Variants in ADGRL2 observed in about 807,000 individuals in gnomAD.
ADGRL2 encodes the protein calcium-independent alpha-latrotoxin receptor 2.
A neutral mutation model predicts 157.4 loss-of-function variants in ADGRL2; 44 were observed. That is an observed-to-expected ratio of 0.28 (90% confidence interval 0.22 to 0.36). The LOEUF (loss-of-function observed/expected upper bound fraction) is 0.36, where lower values mean the gene tolerates loss of function less well. Ranked by LOEUF, ADGRL2 falls within the 10% of genes least tolerant of loss-of-function variation. The probability of loss-of-function intolerance (pLI) is 1.00; values close to 1 mark genes in which losing one functional copy is unlikely to be tolerated. For synonymous variants in ADGRL2, 585 were observed against 624.7 expected (o/e 0.94, Z 0.95); for missense variants, 1,510 against 1,768.9 (o/e 0.85, Z 2.63).
chr1:81,545,437 T>C (rs1275579543), intron 2 of ADGRL2, among the ~76,000 whole-genome samples: 1 of 151,948 alleles, frequency 6.6e-6, no homozygotes, highest in African/African-American at 2.4e-5. Flanking sequence ...TGCACCACCA[T>C]GCCAGGCTAA....
At chr1:81,976,702 T>C (rs1660289547) in intron 17 of ADGRL2, among the ~76,000 whole-genome samples, 1 of 151,916 alleles carries the variant, frequency 6.6e-6, no homozygotes, top group South Asian at 2.1e-4. Flanking sequence ...TTAGAAAAAA[T>C]ACAACTAACT....
chr1:81,545,374 C>T (rs2079990653), intron 2 of ADGRL2, among the ~76,000 whole-genome samples: 1 of 151,790 alleles, frequency 6.6e-6, no homozygotes, highest in Non-Finnish European at 1.5e-5. Context: ...GCAACCTCCG[C>T]CTCCCAGGTT....
At chr1:81,824,492 C>T (rs2091283381) in intron 1 of ADGRL2, among the ~76,000 whole-genome samples, 1 of 151,872 alleles carries the variant, frequency 6.6e-6, no homozygotes, top group South Asian at 2.1e-4. Flanking sequence ...CTAGACTGAA[C>T]TTGAACTCCT....
At chr1:81,356,200 A>C (rs1283038731) in intron 1 of ADGRL2, among the ~76,000 whole-genome samples, 2 of 152,234 alleles carry the variant, frequency 1.3e-5, no homozygotes, top group Non-Finnish European at 2.9e-5. Flanking sequence ...AAATGAGCTA[A>C]GAGACATGGT....
At chr1:81,821,557 C>T (rs921697068) in intron 1 of ADGRL2, among the ~76,000 whole-genome samples, 4 of 152,060 alleles carry the variant, frequency 2.6e-5, no homozygotes, top group African/African-American at 7.2e-5. Context: ...TGTGTTCTTG[C>T]ATTCACAGCA....
intron 3 of ADGRL2, among the ~76,000 whole-genome samples, chr1:81,677,305 CG>C (rs368930385): frequency 1.5e-4 from 23 of 152,232 alleles, no homozygotes; most frequent in African/African-American, 5.5e-4. Flanking sequence ...GATTTTTAAA[CG>C]GAAGATTCAG....
intron 2 of ADGRL2, among the ~76,000 whole-genome samples, chr1:81,789,987 G>T (rs530084559): frequency 6.6e-6 from 1 of 152,062 alleles, no homozygotes; most frequent in Admixed American, 6.6e-5. Flanking sequence ...ATAATTTGTC[G>T]AAGATGTTTT....
At chr1:81,674,450 G>A (rs2082942586) in intron 3 of ADGRL2, among the ~76,000 whole-genome samples, 1 of 152,146 alleles carries the variant, frequency 6.6e-6, no homozygotes, top group African/African-American at 2.4e-5. Flanking sequence ...GCCCAAACTT[G>A]CAGTCCATCA....
intron 3 of ADGRL2, among the ~76,000 whole-genome samples, chr1:81,675,436 GA>G (rs2082965361): frequency 6.6e-6 from 1 of 152,038 alleles, no homozygotes; most frequent in Admixed American, 6.6e-5. Context: ...CTGTGGCAAA[GA>G]TTTTTTTCTT....
At chr1:81,622,570 G>T (rs1020684418) in intron 3 of ADGRL2, among the ~76,000 whole-genome samples, 1 of 151,858 alleles carries the variant, frequency 6.6e-6, no homozygotes, top group Non-Finnish European at 1.5e-5. Flanking sequence ...AACAGAGTGA[G>T]ACCCCGTCTC....
At chr1:81,838,499 A>G (rs921062983) in intron 2 of ADGRL2, among the ~76,000 whole-genome samples, 1 of 152,102 alleles carries the variant, frequency 6.6e-6, no homozygotes, top group African/African-American at 2.4e-5. Context: ...TAAACAGTGA[A>G]CAGGAATTGT....
chr1:81,673,962 C>T (rs2082931584), intron 3 of ADGRL2, among the ~76,000 whole-genome samples: 2 of 152,050 alleles, frequency 1.3e-5, no homozygotes, highest in African/African-American at 4.8e-5. Context: ...TTAAGATCAC[C>T]AAATCATCAT....
At position 81,956,048 on chromosome 1, in the gene ADGRL2, A is replaced by G. The variant is rs1410070749; in HGVS notation, c.2005A>G (p.Thr669Ala). The G allele has an allele frequency of 5.6e-6, 9 of 1,593,774 alleles. No individual in the cohort carries two copies. The highest frequency in any genetic ancestry group is 1.8e-5 in the Admixed American group (1 of 55,394). The change falls in exon 11 of 24, where the codon ACA becomes GCA. Residue 669 changes from threonine (T) to alanine (A), a missense_variant. Thr to Ala is a moderately conservative substitution (Grantham distance 58, BLOSUM62 0). Around this residue, in one of 4 missense-constraint regions of ADGRL2, gnomAD observed 325 missense variants for 333.2 expected, o/e 0.98. Transcript: ENST00000686636. ...AGAACCAACAAGGGTCTCAATGCCC[A>G]CAGAAAATATTGGTAAGTGAATCTA... ...LLEPTRVSMPTENIVLEVAVL... is the reference protein window; with the variant it reads ...LLEPTRVSMPAENIVLEVAVL...
Position 81,979,934 on chromosome 1 carries a change from A to C in ADGRL2, c.3087A>C (p.Pro1029=). 1 of 1,603,592 alleles carries C rather than the reference A, an allele frequency of 6.2e-7. No homozygotes were observed. Among genetic ancestry groups the C allele is most frequent in the Non-Finnish European group, 8.5e-7 (1 of 1,171,658 alleles). The change falls in exon 18 of 24, where the codon CCA becomes CCC. Residue 1029 remains proline, a synonymous_variant. Transcript: ENST00000686636. The part of the protein sequence containing the change: ...KMVKHSNTLK[P]DSSRLENIKS... ...TGAAGCATTCAAACACTTTGAAACC[A>C]GATTCTAGCAGGTTGGAAAACATTA...
chr1:81,509,003 A>G (rs2148070325), intron 2 of ADGRL2, among the ~76,000 whole-genome samples: 1 of 152,348 alleles, frequency 6.6e-6, no homozygotes, highest in South Asian at 2.1e-4. Context: ...TAATGTATGC[A>G]GTATCATAGC....
chr1:81,559,959 G>T (rs1278147914), intron 2 of ADGRL2, among the ~76,000 whole-genome samples: 2 of 152,046 alleles, frequency 1.3e-5, no homozygotes, highest in Non-Finnish European at 2.9e-5. Context: ...CAGTTTTTCA[G>T]CAATAGCAGC....
intron 1 of ADGRL2, among the ~76,000 whole-genome samples, chr1:81,391,043 G>A (rs77341762): frequency 6.6e-6 from 1 of 150,430 alleles, no homozygotes; most frequent in African/African-American, 2.4e-5. Context: ...AAAACCGTTT[G>A]GTAACTACTG....
chr1:81,899,942 A>G (rs1482129067), intron 2 of ADGRL2, among the ~76,000 whole-genome samples: 2 of 152,114 alleles, frequency 1.3e-5, no homozygotes, highest in South Asian at 2.1e-4. Flanking sequence ...TCTGTCCCCA[A>G]ACCTGCTGCT....
At chr1:81,687,180 ATTGT>A (rs949384983) in intron 3 of ADGRL2, among the ~76,000 whole-genome samples, 8 of 152,216 alleles carry the variant, frequency 5.3e-5, no homozygotes, top group African/African-American at 1.7e-4. Context: ...GTTTAAATCC[ATTGT>A]TTGTTGACTT....
Sources: gnomAD v4.1 joint callset for allele counts (sites outside exome capture counted in the v4.1 genomes callset) on GRCh38, gnomAD v4.1.1 for gene constraint, gnomAD v4.1.1 regional missense constraint, MANE v1.5 for transcripts, NCBI Gene and HGNC (gene_info 2026-07-23, HGNC 2026-07-21) for gene names.